The following MAT2A variants were observed in gnomAD, a reference collection of about 807,000 sequenced individuals.
The protein encoded by MAT2A is methionine adenosyltransferase 2A, also known as S-adenosylmethionine synthase isoform type-2.
In MAT2A, 3 loss-of-function variants were observed where a neutral mutation model predicts 43.9. The observed-to-expected ratio is 0.07, with a 90% CI of 0.03 to 0.18. The LOEUF (loss-of-function observed/expected upper bound fraction) is 0.18. MAT2A is among the 10% of genes least tolerant of loss of function. The pLI, the probability that MAT2A is intolerant of heterozygous loss-of-function variation, is 1.00. For missense variants in MAT2A, 204 were observed against 489.0 expected, an observed-to-expected ratio of 0.42 and a Z score of 5.50; for synonymous variants, 200 against 168.4, an observed-to-expected ratio of 1.19 and a Z score of -1.45.
intron 7 of MAT2A, 62 bp from the exon 8 acceptor site, chr2:85,542,839 G>C (rs148225919): frequency 1.9e-6 from 3 of 1,577,554 alleles, no homozygotes; most frequent in Admixed American, 3.6e-5. Flanking sequence ...TTATACCAAC[G>C]TATTATACAA....
rs1201133597 is a variant in MAT2A at position 85,539,180 on chromosome 2, C to T, written c.-108C>T. 11 of 800,538 alleles carry T rather than the reference C, an allele frequency of 1.4e-5. No homozygotes were observed. The highest frequency in any genetic ancestry group is 7.4e-5 in the Admixed American group (3 of 40,484). 49.6% of individuals were successfully genotyped at this position (800,538 alleles called of 1,614,324 possible). A position where few individuals can be genotyped will look rare whatever the true frequency, so the allele number is the denominator to read the frequency against. ...CGCCCGCTGCTTCGTTCGCTCCGCGCCGCCCGCCTGCTACGAGTAGAACGC... is the reference window on the plus strand; with the variant it reads ...CGCCCGCTGCTTCGTTCGCTCCGCGTCGCCCGCCTGCTACGAGTAGAACGC... On this transcript the variant is annotated 5_prime_UTR_variant, in exon 1 of 9. Coordinates refer to ENST00000306434, the MANE Select transcript of MAT2A (RefSeq NM_005911.6).
At chr2:85,542,125 G>A in intron 5 of MAT2A, 30 bp from the exon 6 acceptor site, 1 of 1,590,656 alleles carries the variant, frequency 6.3e-7, no homozygotes. Context: ...TGTTTGGTGT[G>A]ATGTTCTGAT....
rs1376036100 is a variant in MAT2A, at chr2:85,543,966, G to C, written c.*194G>C. ...AGTTGGGCTTGCTATTCTGTCCCTA[G>C]GTGTTTTGTTCACCATTATAATGAA... On this transcript the variant is annotated 3_prime_UTR_variant, in exon 9 of 9. Coordinates refer to ENST00000306434, the MANE Select transcript of MAT2A (RefSeq NM_005911.6). 4 of 515,234 alleles carry C rather than the reference G, an allele frequency of 7.8e-6. No homozygotes were observed. Among genetic ancestry groups the C allele is most frequent in the Non-Finnish European group, 1.4e-5 (4 of 285,894 alleles). The allele number at this position is 515,234 out of a possible 1,614,324, so 31.9% of individuals were successfully genotyped here. A position where few individuals can be genotyped will look rare whatever the true frequency, so the allele number is the denominator to read the frequency against.
In MAT2A at chr2:85,541,111, T is replaced by C. The variant is rs570063081; in HGVS notation, c.120T>C (p.Ala40=). The C allele has an allele frequency of 8.2e-5, 133 of 1,613,734 alleles. No homozygotes were observed. In the South Asian group the frequency reaches 8.7e-4, roughly 11 times the overall value. ...PDKICDQISD[A]VLDAHLQQDP... ...AGATTTGTGACCAAATCAGTGATGC[T>C]GTCCTTGATGCCCACCTTCAGCAGG... Residue 40 remains alanine (A), a synonymous_variant, in exon 2 of 9, where the codon GCT becomes GCC. Coordinates refer to ENST00000306434, the MANE Select transcript of MAT2A (RefSeq NM_005911.6).
At position 85,543,916 on chromosome 2, in the gene MAT2A, A is replaced by G; in HGVS notation, c.*144A>G. ...GCAGTCACTCTAGTCAATGACATGA[A>G]TTTTAGCTTTTGTGGGGGACTGTAA... On this transcript the variant is annotated 3_prime_UTR_variant, in exon 9 of 9. Coordinates refer to ENST00000306434, the MANE Select transcript of MAT2A (RefSeq NM_005911.6). 1.7e-6 allele frequency: 1 copy of G among 580,194 alleles called. No homozygotes were observed. The highest frequency in any genetic ancestry group is 3.1e-6 in the Non-Finnish European group (1 of 319,750). 35.9% of individuals were successfully genotyped at this position (580,194 alleles called of 1,614,324 possible). A position where few individuals can be genotyped will look rare whatever the true frequency, so the allele number is the denominator to read the frequency against.
chr2:85,540,520 A>G (rs1042348234), intron 1 of MAT2A, among the ~76,000 whole-genome samples: 11 of 152,200 alleles, frequency 7.2e-5, no homozygotes, highest in Non-Finnish European at 1.2e-4. Flanking sequence ...GAAAATTCAG[A>G]AAAACGAACT....
At chr2:85,543,325 G>A (rs1691526737) in intron 8 of MAT2A, 10 of 414,324 alleles carry the variant, frequency 2.4e-5, no homozygotes, top group Non-Finnish European at 4.4e-6. Flanking sequence ...GATAAAGTGG[G>A]TTGCTCAAGG....
intron 1 of MAT2A, chr2:85,539,610 G>C: frequency 2.5e-6 from 1 of 405,702 alleles, no homozygotes; most frequent in Non-Finnish European, 4.4e-6. Context: ...CTTTTCATTC[G>C]GTCGCGCGCC....
intron 3 of MAT2A, 68 bp from the exon 4 acceptor site, chr2:85,541,565 C>T: frequency 1.5e-6 from 2 of 1,371,846 alleles, no homozygotes; most frequent in South Asian, 1.3e-5. Flanking sequence ...GTTTAGAATT[C>T]CAGATAATTG....
At chr2:85,541,539 T>G (rs1428216841) in intron 3 of MAT2A, 94 bp from the exon 4 acceptor site, 2 of 1,300,110 alleles carry the variant, frequency 1.5e-6, no homozygotes, top group African/African-American at 3.0e-5. Flanking sequence ...TAGGTATATT[T>G]GATTTCTTCA....
chr2:85,542,833 A>G, intron 7 of MAT2A, 68 bp from the exon 8 acceptor site: 1 of 1,570,806 alleles, frequency 6.4e-7, no homozygotes, highest in Non-Finnish European at 8.7e-7. Flanking sequence ...CTTGTTTTAT[A>G]CCAACGTATT....
chr2:85,543,592 T>G, intron 8 of MAT2A, 78 bp from the exon 9 acceptor site: 1 of 929,986 alleles, frequency 1.1e-6, no homozygotes, highest in Non-Finnish European at 1.7e-6. Flanking sequence ...CCAGAGCTCT[T>G]GAAAATGAGT....
At chr2:85,541,564 TC>T in intron 3 of MAT2A, 68 bp from the exon 4 acceptor site, 2 of 1,367,964 alleles carry the variant, frequency 1.5e-6, no homozygotes, top group Non-Finnish European at 2.0e-6. Flanking sequence ...TGTTTAGAAT[TC>T]CAGATAATTG....
intron 1 of MAT2A, 164 bp downstream of exon 1, chr2:85,539,542 G>A (rs1691402811): frequency 2.0e-6 from 1 of 500,806 alleles, no homozygotes; most frequent in Non-Finnish European, 3.5e-6. Flanking sequence ...GCCAGGGCCT[G>A]GCGCGTGGCC....
At chr2:85,543,559 G>A in intron 8 of MAT2A, 111 bp from the exon 9 acceptor site, 1 of 693,906 alleles carries the variant, frequency 1.4e-6, no homozygotes, top group Non-Finnish European at 2.4e-6. Context: ...TTTTTTCCTA[G>A]CATATCCCAG....
chr2:85,543,641 A>G (rs1217791182), intron 8 of MAT2A, 29 bp from the exon 9 acceptor site: 2 of 1,304,484 alleles, frequency 1.5e-6, no homozygotes, highest in South Asian at 1.3e-5. Context: ...TTAATGCTAC[A>G]TATTAAGTTA....
At position 85,543,510 on chromosome 2, in the gene MAT2A, G is replaced by C. The variant is rs561042422; in HGVS notation, c.1086-160G>C. On this transcript the variant is annotated intron_variant, in intron 8 of 8. Coordinates refer to ENST00000306434, the MANE Select transcript of MAT2A (RefSeq NM_005911.6). The stretch of plus-strand genomic sequence containing the variant: ...TAGTTACTAATAAGGACTGTGCAAG[G>C]AGTTTGGACACCAGGGAAGTAACAC... 6.7e-6 allele frequency: 4 copies of C among 598,968 alleles called. No homozygotes were observed. The East Asian group carries it at 1.1e-4, about 17-fold the overall frequency. 37.1% of individuals were successfully genotyped at this position (598,968 alleles called of 1,614,324 possible). A position where few individuals can be genotyped will look rare whatever the true frequency, so the allele number is the denominator to read the frequency against.
intron 1 of MAT2A, among the ~76,000 whole-genome samples, chr2:85,540,269 C>T (rs1453981011): frequency 6.6e-6 from 1 of 152,200 alleles, no homozygotes; most frequent in Non-Finnish European, 1.5e-5. Context: ...TTATTTGGCT[C>T]TTTTGGCTGT....
In MAT2A at chr2:85,542,212, A is replaced by G. The variant is rs770124568; in HGVS notation, c.607A>G (p.Ile203Val). Residue 203 changes from isoleucine (I) to valine (V), a missense_variant, in exon 6 of 9, where the codon ATT becomes GTT. Around this residue, in one of 6 missense-constraint regions of MAT2A, gnomAD observed 103 missense variants for 226.4 expected, o/e 0.45. Coordinates refer to ENST00000306434, the MANE Select transcript of MAT2A (RefSeq NM_005911.6). ...TGTGCTTCCCATCAGAGTCCACACA[A>G]TTGTTATATCTGTTCAGCATGATGA... ...GAVLPIRVHT[I>V]VISVQHDEEV... 2 of 1,614,166 alleles carry G rather than the reference A, an allele frequency of 1.2e-6. No homozygotes were observed. The highest frequency in any genetic ancestry group is 1.1e-5 in the South Asian group (1 of 91,082).
Sources: allele counts gnomAD v4.1 joint callset (sites outside exome capture counted in the v4.1 genomes callset), GRCh38; gene constraint gnomAD v4.1.1; regional missense constraint gnomAD v4.1.1; transcripts MANE v1.5; gene names NCBI Gene and HGNC (gene_info 2026-07-23, HGNC 2026-07-21).